Variants in FBXW7 observed in about 807,000 individuals in gnomAD.
FBXW7 encodes F-box and WD repeat domain containing 7.
FBXW7 carries 11 observed loss-of-function variants against 86.3 expected under a neutral mutation model. The observed-to-expected ratio is 0.13, with a 90% CI of 0.08 to 0.21. The LOEUF is 0.21. Ranked by LOEUF, FBXW7 falls within the 10% of genes least tolerant of loss-of-function variation. The pLI is 1.00. For synonymous variants in FBXW7, 313 were observed against 297.9 expected (o/e 1.05, Z -0.52); for missense variants, 488 against 847.4 (o/e 0.58, Z 5.27).
chr4:152,322,858 G>A lies in FBXW7; in HGVS notation c.*23C>T, dbSNP rs1360272274. ...AGGGAGTATATCGTCTACACAATTGGACAAATTCATCTTTTCTGCTCTTCA... is the reference window on the plus strand; with the variant it reads ...AGGGAGTATATCGTCTACACAATTGAACAAATTCATCTTTTCTGCTCTTCA... On this transcript the variant is annotated 3_prime_UTR_variant, in exon 14 of 14. Coordinates refer to ENST00000281708, the MANE Select transcript of FBXW7 (RefSeq NM_001349798.2). 3 of 1,611,800 alleles carry A rather than the reference G, an allele frequency of 1.9e-6. No homozygotes were observed. The highest frequency in any genetic ancestry group is 2.7e-5 in the African/African-American group (2 of 74,790).
chr4:152,503,500 G>C (rs968925731), intron 2 of FBXW7, among the ~76,000 whole-genome samples: 2 of 152,058 alleles, frequency 1.3e-5, no homozygotes, highest in Non-Finnish European at 2.9e-5. Flanking sequence ...TCGATCTCCT[G>C]GCCTCAAGAG....
chr4:152,412,116 A>C (rs1369101020), intron 3 of FBXW7, among the ~76,000 whole-genome samples: 2 of 152,170 alleles, frequency 1.3e-5, no homozygotes, highest in African/African-American at 4.8e-5. Flanking sequence ...AATTTTTAGC[A>C]TGAAGATTTA....
chr4:152,423,145 T>C (rs1173910376), intron 2 of FBXW7, among the ~76,000 whole-genome samples: 7 of 152,214 alleles, frequency 4.6e-5, no homozygotes, highest in Non-Finnish European at 1.0e-4. Context: ...GTTTCCTTCT[T>C]ATGATTTTAG....
intron 2 of FBXW7, among the ~76,000 whole-genome samples, chr4:152,481,499 T>C (rs1289168466): frequency 6.6e-6 from 1 of 152,194 alleles, no homozygotes. Flanking sequence ...AATCTTATTA[T>C]TTAAGAAATA....
At chr4:152,368,538 C>A (rs1733704274) in intron 4 of FBXW7, among the ~76,000 whole-genome samples, 1 of 152,012 alleles carries the variant, frequency 6.6e-6, no homozygotes, top group Admixed American at 6.6e-5. Flanking sequence ...TGAATCAGTT[C>A]TTTAAATGTT....
intron 4 of FBXW7, among the ~76,000 whole-genome samples, chr4:152,387,815 T>C (rs1735671712): frequency 6.7e-6 from 1 of 150,346 alleles, no homozygotes; most frequent in African/African-American, 2.5e-5. Context: ...TTCAAGCAAT[T>C]CTCCTGCCTC....
At chr4:152,391,761 G>C (rs1235905462) in intron 4 of FBXW7, among the ~76,000 whole-genome samples, 1 of 152,088 alleles carries the variant, frequency 6.6e-6, no homozygotes, top group African/African-American at 2.4e-5. Context: ...GGCTCAGAAA[G>C]GCTTACAAAT....
intron 2 of FBXW7, among the ~76,000 whole-genome samples, chr4:152,527,056 T>C (rs1749579745): frequency 6.6e-6 from 1 of 152,236 alleles, no homozygotes; most frequent in Admixed American, 6.5e-5. Context: ...ACTTAATAAA[T>C]TAACACTGAT....
At chr4:152,496,737 T>A (rs767084933) in intron 2 of FBXW7, among the ~76,000 whole-genome samples, 7 of 152,130 alleles carry the variant, frequency 4.6e-5, no homozygotes, top group African/African-American at 1.7e-4. Context: ...AATGTAAAGG[T>A]GACAACTATC....
At chr4:152,350,284 C>T (rs999859099) in intron 4 of FBXW7, among the ~76,000 whole-genome samples, 160 bp from the exon 5 acceptor site, 1 of 151,506 alleles carries the variant, frequency 6.6e-6, no homozygotes, top group Non-Finnish European at 1.5e-5. Context: ...ATTTGTTCTA[C>T]TTTGTTTTAC....
rs1314148378 is a variant in FBXW7 at position 152,535,514 on chromosome 4, G to C, written c.-600C>G. The C allele has an allele frequency of 2.5e-6, 1 of 395,730 alleles. No homozygotes were observed. The highest frequency in any genetic ancestry group is 2.1e-5 in the African/African-American group (1 of 48,426). 24.5% of individuals were successfully genotyped at this position (395,730 alleles called of 1,614,324 possible). A position where few individuals can be genotyped will look rare whatever the true frequency, so the allele number is the denominator to read the frequency against. On this transcript the variant is annotated 5_prime_UTR_variant, in exon 1 of 14. Coordinates refer to ENST00000281708, the MANE Select transcript of FBXW7 (RefSeq NM_001349798.2). ...CCCCCGGCCGGGGGGTGGTTGCCGA[G>C]CTTGGTTGGGGCCCCGGTTCATACA...
At chr4:152,401,571 A>C (rs1411029052) in intron 4 of FBXW7, among the ~76,000 whole-genome samples, 2 of 152,236 alleles carry the variant, frequency 1.3e-5, no homozygotes, top group African/African-American at 4.8e-5. Context: ...AGGACTTTTA[A>C]GGTAGTGAAA....
At chr4:152,394,460 CG>C (rs1736248084) in intron 4 of FBXW7, among the ~76,000 whole-genome samples, 1 of 151,994 alleles carries the variant, frequency 6.6e-6, no homozygotes, top group Admixed American at 6.6e-5. Flanking sequence ...AAATATCTGT[CG>C]GGGATCAAGA....
chr4:152,461,409 ATTTT>A (rs1470420248), intron 2 of FBXW7, among the ~76,000 whole-genome samples: 5 of 151,990 alleles, frequency 3.3e-5, no homozygotes, highest in African/African-American at 1.2e-4. Flanking sequence ...TATTGGCATT[ATTTT>A]TTATTGCTGT....
At chr4:152,504,672 A>G (rs1747252200) in intron 2 of FBXW7, among the ~76,000 whole-genome samples, 1 of 152,210 alleles carries the variant, frequency 6.6e-6, no homozygotes, top group Non-Finnish European at 1.5e-5. Flanking sequence ...AACGATTTAG[A>G]TATGTGAATC....
At chr4:152,416,623 A>G (rs1738454796) in intron 2 of FBXW7, among the ~76,000 whole-genome samples, 1 of 152,318 alleles carries the variant, frequency 6.6e-6, no homozygotes, top group Non-Finnish European at 1.5e-5. Context: ...CTCCTTAGTA[A>G]TGTACACTAA....
At chr4:152,523,228 T>C (rs1749181747) in intron 2 of FBXW7, among the ~76,000 whole-genome samples, 2 of 152,190 alleles carry the variant, frequency 1.3e-5, no homozygotes, top group Non-Finnish European at 2.9e-5. Flanking sequence ...TATCTTTTTT[T>C]CAAGAGAGTA....
chr4:152,430,381 G>T (rs2126946579), intron 2 of FBXW7, among the ~76,000 whole-genome samples: 1 of 152,210 alleles, frequency 6.6e-6, no homozygotes, highest in East Asian at 1.9e-4. Context: ...TCTATAACCT[G>T]AAAAACTTTT....
chr4:152,330,993 A>G (rs918624252), intron 8 of FBXW7, 125 bp from the exon 9 acceptor site: 17 of 881,108 alleles, frequency 1.9e-5, no homozygotes, highest in Non-Finnish European at 2.7e-5. Flanking sequence ...AATGCAAGAC[A>G]TTGTCAAATT....
Sources: gnomAD v4.1 joint callset for allele counts (sites outside exome capture counted in the v4.1 genomes callset) on GRCh38, gnomAD v4.1.1 for gene constraint, MANE v1.5 for transcripts, NCBI Gene and HGNC (gene_info 2026-07-23, HGNC 2026-07-21) for gene names.